MRTFA: variants seen among roughly 807,000 people sequenced by gnomAD.
MRTFA encodes myocardin-related transcription factor A.
In MRTFA, 20 loss-of-function variants were observed where a neutral mutation model predicts 83.5. The observed-to-expected ratio is 0.24, with a 90% CI of 0.17 to 0.35. MRTFA has a LOEUF of 0.35. Ranked by LOEUF, MRTFA falls within the 10% of genes least tolerant of loss-of-function variation. The pLI is 1.00. For missense variants in MRTFA, 1,200 were observed against 1,224.7 expected (o/e 0.98, Z 0.30); for synonymous variants, 659 against 541.2 (o/e 1.22, Z -3.02).
chr22:40,566,222 CA>C (rs1330170891), intron 2 of MRTFA, among the ~76,000 whole-genome samples: 1 of 147,678 alleles, frequency 6.8e-6, no homozygotes, highest in African/African-American at 2.4e-5. Flanking sequence ...TCTGATTTAT[CA>C]TTTTTTTTTT....
At chr22:40,574,075 A>G (rs761505398) in intron 2 of MRTFA, among the ~76,000 whole-genome samples, 4 of 152,120 alleles carry the variant, frequency 2.6e-5, no homozygotes, top group Non-Finnish European at 5.9e-5. Context: ...TTTGTAAGTT[A>G]AACTATTCTT....
chr22:40,456,185 GA>G (rs2053583976), intron 4 of MRTFA, among the ~76,000 whole-genome samples: 1 of 152,030 alleles, frequency 6.6e-6, no homozygotes, highest in Non-Finnish European at 1.5e-5. Flanking sequence ...GAAGATTTAG[GA>G]AGTTGGTTTA....
intron 2 of MRTFA, among the ~76,000 whole-genome samples, chr22:40,585,158 A>G (rs2056009600): frequency 6.6e-6 from 1 of 152,238 alleles, no homozygotes; most frequent in Non-Finnish European, 1.5e-5. Flanking sequence ...AGAGGAAACA[A>G]GGCAGTCCAG....
At chr22:40,512,708 G>C (rs1042731115) in intron 3 of MRTFA, among the ~76,000 whole-genome samples, 4 of 152,220 alleles carry the variant, frequency 2.6e-5, no homozygotes, top group Non-Finnish European at 5.9e-5. Flanking sequence ...GGGATAATTA[G>C]CCAGTGAGGT....
chr22:40,558,832 C>T (rs1395601667), intron 2 of MRTFA, among the ~76,000 whole-genome samples: 1 of 151,432 alleles, frequency 6.6e-6, no homozygotes, highest in Admixed American at 6.6e-5. Context: ...GCTCCACCAC[C>T]CAGGCTGCAG....
chr22:40,595,863 CTTTTTTTTTTTT>C (rs35215701), intron 1 of MRTFA, among the ~76,000 whole-genome samples: 8 of 78,108 alleles, frequency 1.0e-4, no homozygotes, highest in African/African-American at 3.9e-4. Flanking sequence ...TATCTAAAGT[CTTTTTTTTTTTT>C]TTTTTTTTTT....
intron 2 of MRTFA, among the ~76,000 whole-genome samples, chr22:40,591,251 T>G (rs1458678266): frequency 6.8e-6 from 1 of 146,746 alleles, no homozygotes; most frequent in Non-Finnish European, 1.5e-5. Flanking sequence ...CACTCCGGCC[T>G]GGGCAAAAGA....
chr22:40,510,498 CA>C (rs2054650146), intron 3 of MRTFA, among the ~76,000 whole-genome samples: 1 of 151,920 alleles, frequency 6.6e-6, no homozygotes, highest in Non-Finnish European at 1.5e-5. Flanking sequence ...TTTTAGAGTT[CA>C]AAAGGTCCTA....
At chr22:40,587,556 AG>A in intron 2 of MRTFA, 1 of 300,858 alleles carries the variant, frequency 3.3e-6, no homozygotes, top group Non-Finnish European at 6.6e-6. Flanking sequence ...AAAAAAGTTC[AG>A]GAACTTCCTT....
intron 2 of MRTFA, among the ~76,000 whole-genome samples, chr22:40,570,103 C>A (rs1269019379): frequency 1.3e-5 from 2 of 152,004 alleles, no homozygotes; most frequent in African/African-American, 2.4e-5. Context: ...GAGGTTGTTG[C>A]CCAATATCCT....
rs1425488470 is a variant in MRTFA, at chr22:40,419,361, C to T, written c.1377G>A (p.Leu459=). The T allele has an allele frequency of 1.7e-5, 28 of 1,613,788 alleles. No individual in the cohort carries two copies. Among genetic ancestry groups the T allele is most frequent in the Non-Finnish European group, 2.4e-5 (28 of 1,179,984 alleles). ...CCGAGACAGGCAGTGATCGCAACTT[C>T]AGCTCCTGCTTCAGCTCTGCCACCT... The change falls in exon 12 of 15, where the codon CTG becomes CTA. Residue 459 remains leucine (L), a synonymous_variant. Transcript: ENST00000355630.
At chr22:40,621,758 A>G (rs753345367) in intron 1 of MRTFA, among the ~76,000 whole-genome samples, 3 of 151,966 alleles carry the variant, frequency 2.0e-5, no homozygotes, top group Non-Finnish European at 4.4e-5. Flanking sequence ...GTAAAAGAAA[A>G]TTACTCACAG....
chr22:40,592,906 G>A (rs2056142026), intron 2 of MRTFA, among the ~76,000 whole-genome samples: 1 of 152,024 alleles, frequency 6.6e-6, no homozygotes, highest in Non-Finnish European at 1.5e-5. Flanking sequence ...ATTGGCTCAG[G>A]GACTTTTGCA....
intron 4 of MRTFA, among the ~76,000 whole-genome samples, chr22:40,441,362 T>C (rs370115636): frequency 1.3e-4 from 20 of 152,242 alleles, no homozygotes; most frequent in African/African-American, 4.6e-4. Context: ...CCAATTAATA[T>C]TTTGTTCCCT....
chr22:40,453,243 C>G (rs1284081925), intron 4 of MRTFA, among the ~76,000 whole-genome samples: 2 of 152,240 alleles, frequency 1.3e-5, no homozygotes, highest in South Asian at 2.1e-4. Context: ...TACAATTACA[C>G]AGTCACATTC....
chr22:40,483,685 TAA>T (rs536293323), intron 3 of MRTFA, among the ~76,000 whole-genome samples: 1 of 140,920 alleles, frequency 7.1e-6, no homozygotes, highest in Non-Finnish European at 1.6e-5. Context: ...ACTGTCTCAA[TAA>T]AAAAAAAAAA....
At chr22:40,562,328 C>T (rs1175573645) in intron 2 of MRTFA, among the ~76,000 whole-genome samples, 10 of 151,726 alleles carry the variant, frequency 6.6e-5, no homozygotes, top group Non-Finnish European at 1.2e-4. Flanking sequence ...TGAACAAAGC[C>T]ATCCTGGACA....
Position 40,419,235 on chromosome 22 carries a change from G to T in MRTFA, c.1503C>A (p.His501Gln). Residue 501 changes from histidine to glutamine, a missense_variant, in exon 12 of 15, where the codon CAC becomes CAA. Around this residue, in one of 2 missense-constraint regions of MRTFA, gnomAD observed 1,107 missense variants for 1,041.8 expected, o/e 1.06. Transcript: ENST00000355630. Reference sequence around the variant, plus strand: ...AGGCTACCACCACCTCGCCAGCCTTGTGCAGGATAGAGGTGGCGGCAGGGG... The same window carrying T: ...AGGCTACCACCACCTCGCCAGCCTTTTGCAGGATAGAGGTGGCGGCAGGGG... The T allele has an allele frequency of 1.2e-6, 2 of 1,609,976 alleles. No homozygotes were observed. Among genetic ancestry groups the T allele is most frequent in the Non-Finnish European group, 1.7e-6 (2 of 1,178,294 alleles).
chr22:40,536,196 G>A (rs960241080), intron 3 of MRTFA, among the ~76,000 whole-genome samples: 1 of 151,814 alleles, frequency 6.6e-6, no homozygotes, highest in Admixed American at 6.6e-5. Flanking sequence ...CCAGCTACTT[G>A]GGAGGTTGAG....
Sources: gnomAD v4.1 joint callset for allele counts (sites outside exome capture counted in the v4.1 genomes callset) on GRCh38, gnomAD v4.1.1 for gene constraint, gnomAD v4.1.1 regional missense constraint, MANE v1.5 for transcripts, NCBI Gene and HGNC (gene_info 2026-07-23, HGNC 2026-07-21) for gene names.